Variants in FNDC3A observed in about 807,000 individuals in gnomAD.
FNDC3A encodes fibronectin type-III domain-containing protein 3A.
FNDC3A carries 32 observed loss-of-function variants against 148.9 expected under a neutral mutation model. The ratio of observed to expected loss-of-function variants is 0.21; its 90% CI spans 0.16 to 0.29. FNDC3A has a LOEUF of 0.29. Ranked by LOEUF, FNDC3A falls within the 10% of genes least tolerant of loss-of-function variation. FNDC3A has a pLI of 1.00. For synonymous variants in FNDC3A, 472 were observed against 473.6 expected (o/e 1.00, Z 0.04); for missense variants, 1,191 against 1,452.8 (o/e 0.82, Z 2.93).
At chr13:49,112,393 A>G (rs1880633735) in intron 3 of FNDC3A, among the ~76,000 whole-genome samples, 1 of 152,208 alleles carries the variant, frequency 6.6e-6, no homozygotes, top group Admixed American at 6.5e-5. Flanking sequence ...AGTCTAGAAT[A>G]TAGGAGCTAA....
intron 1 of FNDC3A, among the ~76,000 whole-genome samples, chr13:48,986,391 T>TTTTTTG (rs1566174568): frequency 2.1e-4 from 22 of 104,938 alleles, no homozygotes; most frequent in African/African-American, 7.5e-4. Context: ...AGTTGTTTTT[T>TTTTTTG]TTTTTTTTTT....
At chr13:49,106,028 T>C (rs889536142) in intron 3 of FNDC3A, among the ~76,000 whole-genome samples, 11 of 152,182 alleles carry the variant, frequency 7.2e-5, no homozygotes, top group Admixed American at 2.6e-4. Flanking sequence ...ACTCCTTTTC[T>C]CCCCCTTCAC....
At chr13:49,015,588 T>C (rs1464075552) in intron 2 of FNDC3A, among the ~76,000 whole-genome samples, 4 of 152,198 alleles carry the variant, frequency 2.6e-5, no homozygotes, top group African/African-American at 9.7e-5. Context: ...GAATACCCTT[T>C]ATTTCCTTCT....
intron 14 of FNDC3A, 87 bp downstream of exon 14, chr13:49,178,741 TG>T: frequency 1.3e-6 from 1 of 776,550 alleles, no homozygotes; most frequent in Non-Finnish European, 2.0e-6. Flanking sequence ...TTTGTTTGTT[TG>T]TTTGTTTTTT....
intron 11 of FNDC3A, 43 bp downstream of exon 11, chr13:49,172,139 T>C: frequency 1.6e-6 from 2 of 1,220,904 alleles, no homozygotes; most frequent in Non-Finnish European, 2.4e-6. Context: ...ATTATGTGCA[T>C]ATGTTCAGGC....
chr13:49,038,542 G>T (rs80324664), intron 2 of FNDC3A, among the ~76,000 whole-genome samples: 1 of 152,168 alleles, frequency 6.6e-6, no homozygotes, highest in Non-Finnish European at 1.5e-5. Context: ...CTTGCTTTGA[G>T]ACCTCTAGCC....
chr13:49,013,461 T>A lies in FNDC3A; in HGVS notation c.99+7172T>A, dbSNP rs1443508881. ...TTACATATGTATACATGTACATGTG[T>A]ATACATATGTACACGTGTATACATG... On this transcript the variant is annotated intron_variant, in intron 2 of 25. Transcript: ENST00000492622. 4.6e-5 allele frequency among the ~76,000 whole-genome samples: 7 copies of A among 152,022 alleles called. No individual in the cohort carries two copies. In the East Asian group the frequency reaches 1.4e-3, roughly 29 times the overall value.
At chr13:49,196,471 T>C (rs1421001246) in intron 19 of FNDC3A, among the ~76,000 whole-genome samples, 17 of 152,182 alleles carry the variant, frequency 1.1e-4, no homozygotes, top group Non-Finnish European at 2.5e-4. Flanking sequence ...ATATGGAATA[T>C]GCCTAAGAAA....
At chr13:49,196,495 TTAAAAAATTAAAAA>T (rs200803377) in intron 19 of FNDC3A, among the ~76,000 whole-genome samples, 3,619 of 152,250 alleles carry the variant, frequency 0.024, 50 homozygotes, top group Middle Eastern at 0.037. Flanking sequence ...TCGTGAAGTA[TTAAAAAATTAAAAA>T]TAATAATTTA....
chr13:49,113,030 CCCCTCCCCACCTCTTCTGTCCTTT>C (rs1880676075), intron 3 of FNDC3A, among the ~76,000 whole-genome samples: 1 of 148,564 alleles, frequency 6.7e-6, no homozygotes, highest in Non-Finnish European at 1.5e-5. Flanking sequence ...ACTTTCTCTT[CCCCTCCCCACCTCTTCTGTCCTTT>C]CCCTCCCCTC....
intron 2 of FNDC3A, among the ~76,000 whole-genome samples, chr13:49,006,870 A>G (rs976043887): frequency 2.2e-4 from 33 of 152,152 alleles, no homozygotes; most frequent in Admixed American, 2.0e-3. Flanking sequence ...TCTCATAACT[A>G]TCTTATATGG....
intron 2 of FNDC3A, among the ~76,000 whole-genome samples, chr13:49,051,214 T>TTTTTG (rs1036645380): frequency 1.8e-4 from 28 of 152,200 alleles, no homozygotes; most frequent in African/African-American, 5.1e-4. Flanking sequence ...ATATCTTGGG[T>TTTTTG]TTTTGTTTTG....
chr13:48,983,558 C>G (rs552717178), intron 1 of FNDC3A, among the ~76,000 whole-genome samples: 1 of 152,304 alleles, frequency 6.6e-6, no homozygotes, highest in South Asian at 2.1e-4. Context: ...ATTTACGAAA[C>G]TAGGCAGCAG....
At chr13:49,137,688 G>A (rs536779365) in intron 6 of FNDC3A, among the ~76,000 whole-genome samples, 10 of 152,240 alleles carry the variant, frequency 6.6e-5, no homozygotes, top group African/African-American at 2.2e-4. Flanking sequence ...TCTCTATAAG[G>A]TAAAATATAG....
chr13:49,076,758 T>G (rs560547142), intron 3 of FNDC3A, among the ~76,000 whole-genome samples: 1 of 152,258 alleles, frequency 6.6e-6, no homozygotes, highest in African/African-American at 2.4e-5. Context: ...TACCAATTAT[T>G]GCACCATTCA....
intron 1 of FNDC3A, among the ~76,000 whole-genome samples, chr13:48,979,356 T>A (rs986221003): frequency 6.6e-6 from 1 of 152,112 alleles, no homozygotes; most frequent in Non-Finnish European, 1.5e-5. Context: ...TAAAGGGAAG[T>A]GAAGCCAGTG....
chr13:49,124,501 G>A (rs574731708), intron 4 of FNDC3A, among the ~76,000 whole-genome samples: 1 of 151,046 alleles, frequency 6.6e-6, no homozygotes, highest in East Asian at 1.9e-4. Flanking sequence ...AAAAAAAGTA[G>A]AGAAAAAAAG....
Position 49,201,986 on chromosome 13 carries a change from C to T in FNDC3A, c.3154+20C>T. Reference sequence around the variant, plus strand: ...TGAAAGGTAAGTTATACATCCTGAACTTATTTTCTTTATAATAAATTACTT... The same window carrying T: ...TGAAAGGTAAGTTATACATCCTGAATTTATTTTCTTTATAATAAATTACTT... On this transcript the variant is annotated intron_variant, in intron 24 of 25. Coordinates refer to ENST00000492622, the MANE Select transcript of FNDC3A (RefSeq NM_001079673.2). 1 of 1,418,046 alleles carries T rather than the reference C, an allele frequency of 7.1e-7. No individual in the cohort carries two copies. The allele number at this position is 1,418,046 out of a possible 1,614,324, so 87.8% of individuals were successfully genotyped here.
At chr13:49,151,513 C>T (rs1883293301) in intron 8 of FNDC3A, among the ~76,000 whole-genome samples, 1 of 152,084 alleles carries the variant, frequency 6.6e-6, no homozygotes, top group African/African-American at 2.4e-5. Context: ...AATTGGGTCA[C>T]ATTTTTTAAT....
Sources: allele counts gnomAD v4.1 joint callset (sites outside exome capture counted in the v4.1 genomes callset), GRCh38; gene constraint gnomAD v4.1.1; transcripts MANE v1.5; gene names NCBI Gene and HGNC (gene_info 2026-07-23, HGNC 2026-07-21).